The following IL17C variants were observed in gnomAD, a reference collection of about 807,000 sequenced individuals.
The protein encoded by IL17C is interleukin-17C.
IL17C carries 13 observed loss-of-function variants against 11.0 expected under a neutral mutation model. The observed-to-expected ratio is 1.18, with a 90% CI of 0.77 to 1.88. IL17C has a LOEUF of 1.88. Among genes scored for constraint, IL17C ranks in the 40% most tolerant of loss-of-function variants. IL17C has a pLI of 0.00. For missense variants in IL17C, 357 were observed against 278.2 expected (o/e 1.28, Z -2.01); for synonymous variants, 150 against 125.8 (o/e 1.19, Z -1.29).
rs1203370623 is a variant in IL17C, at chr16:88,639,687, G to C, written c.336-127G>C. 8.5e-7 allele frequency: 1 copy of C among 1,178,074 alleles called. No individual in the cohort carries two copies. The highest frequency in any genetic ancestry group is 1.5e-5 in the African/African-American group (1 of 64,618). The allele number at this position is 1,178,074 out of a possible 1,614,324, so 73.0% of individuals were successfully genotyped here. On this transcript the variant is annotated intron_variant, in intron 2 of 2. Coordinates refer to ENST00000244241, the MANE Select transcript of IL17C (RefSeq NM_013278.4). This position sits in a 1 kb window ranked among gnomAD's most constrained non-coding sequence, Gnocchi z 5.1. ...ACATGTGAGCCCGACTGCACCCCAAGCCCGTGTGGCTCAGCCCTCGCTGCC... is the reference window on the plus strand; with the variant it reads ...ACATGTGAGCCCGACTGCACCCCAACCCCGTGTGGCTCAGCCCTCGCTGCC...
At chr16:88,638,716 G>T in intron 1 of IL17C, 69 bp downstream of exon 1, 1 of 1,609,700 alleles carries the variant, frequency 6.2e-7, no homozygotes, top group Non-Finnish European at 8.5e-7. Context: ...AAGGGCTGGG[G>T]TTCTCTGAGC....
In IL17C at chr16:88,639,018, C is replaced by T; in HGVS notation, c.44C>T (p.Thr15Ile). The T allele has an allele frequency of 6.3e-7, 1 of 1,598,952 alleles. No individual in the cohort carries two copies. The highest frequency in any genetic ancestry group is 8.5e-7 in the Non-Finnish European group (1 of 1,171,274). ...PGLLFLTWLH[T>I]CLAHHDPSLR... The stretch of plus-strand genomic sequence containing the variant: ...CTCCTGTTTCTGACCTGGCTGCACA[C>T]ATGCCTGGCCCACCATGACCCCTCC... Residue 15 changes from threonine to isoleucine, a missense_variant, in exon 2 of 3, where the codon ACA (threonine) becomes ATA (isoleucine). Thr to Ile is a moderately conservative substitution (Grantham distance 89). Coordinates refer to ENST00000244241, the MANE Select transcript of IL17C (RefSeq NM_013278.4). The surrounding 1 kb of genome is among the most constrained non-coding windows in gnomAD (Gnocchi z 5.1).
chr16:88,639,912 C>T lies in IL17C; in HGVS notation c.434C>T (p.Ala145Val), dbSNP rs377230543. 3 of 1,610,152 alleles carry T rather than the reference C, an allele frequency of 1.9e-6. No homozygotes were observed. The highest frequency in any genetic ancestry group is 1.1e-5 in the South Asian group (1 of 91,004). Reference protein sequence around the residue: ...IDARTGRETAALNSVRLLQSL... With the variant: ...IDARTGRETAVLNSVRLLQSL... ...GCACGGACGGGCCGCGAGACAGCTGCGCTCAACTCCGTGCGGCTGCTCCAG... is the reference window on the plus strand; with the variant it reads ...GCACGGACGGGCCGCGAGACAGCTGTGCTCAACTCCGTGCGGCTGCTCCAG... The change falls in exon 3 of 3, where the codon GCG becomes GTG. Residue 145 changes from alanine (A) to valine (V), a missense_variant. Ala to Val is a moderately conservative substitution (Grantham distance 64). Transcript: ENST00000244241. This position sits in a 1 kb window ranked among gnomAD's most constrained non-coding sequence, Gnocchi z 5.1.
At chr16:88,638,815 C>G in intron 1 of IL17C, 166 bp from the exon 2 acceptor site, 3 of 1,227,288 alleles carry the variant, frequency 2.4e-6, no homozygotes, top group Non-Finnish European at 3.6e-6. Flanking sequence ...CGCTGGCATG[C>G]TGGGTGTCTT....
rs758011169 is a variant in IL17C at position 88,638,597 on chromosome 16, G to T, written c.-45G>T. On this transcript the variant is annotated 5_prime_UTR_variant, in exon 1 of 3. It adds an upstream start codon to the 5' untranslated region. Transcript: ENST00000244241. ...AGGTGCACCTGTGGGATTGCCGCCAGGTGTGCAGGCCGCTCCAAGCCCAGC... is the reference window on the plus strand; with the variant it reads ...AGGTGCACCTGTGGGATTGCCGCCATGTGTGCAGGCCGCTCCAAGCCCAGC... The T allele has an allele frequency of 1.7e-5, 27 of 1,611,674 alleles. No individual in the cohort carries two copies. The highest frequency in any genetic ancestry group is 2.1e-5 in the Non-Finnish European group (25 of 1,179,908).
rs753952254 is a variant in IL17C, at chr16:88,639,152, C to G, written c.178C>G (p.Gln60Glu). The change falls in exon 2 of 3, where the codon CAG becomes GAG. Residue 60 changes from glutamine (Q) to glutamate (E), a missense_variant. Transcript: ENST00000244241. This position sits in a 1 kb window ranked among gnomAD's most constrained non-coding sequence, Gnocchi z 5.1. ...HLLARGAKWGQALPVALVSSL... is the reference protein window; with the variant it reads ...HLLARGAKWGEALPVALVSSL... ...GCTGGCTCGAGGTGCCAAGTGGGGG[C>G]AGGCTTTGCCTGTAGCCCTGGTGTC... 8 of 1,612,834 alleles carry G rather than the reference C, an allele frequency of 5.0e-6. No individual in the cohort carries two copies. The highest frequency in any genetic ancestry group is 6.8e-6 in the Non-Finnish European group (8 of 1,179,956).
rs1438156251 is a variant in IL17C at position 88,640,212 on chromosome 16, G to GC, written c.*146dup. The GC allele has an allele frequency of 1.1e-6, 1 of 931,778 alleles. No homozygotes were observed. The highest frequency in any genetic ancestry group is 1.6e-6 in the Non-Finnish European group (1 of 643,816). The allele number at this position is 931,778 out of a possible 1,614,324, so 57.7% of individuals were successfully genotyped here. ...GGGCATTCCCCGTGTCTGGAGGACA[G>GC]CCCCCCACTGTTCTCCTCATCTCCA... is the stretch of plus-strand genomic sequence containing the variant. On this transcript the variant is annotated 3_prime_UTR_variant, in exon 3 of 3. Transcript: ENST00000244241.
At position 88,639,969 on chromosome 16, in the gene IL17C, C is replaced by T; in HGVS notation, c.491C>T (p.Ser164Phe). Reference protein sequence around the residue: ...SLLVLRRRPCSRDGSGLPTPG... With the variant: ...SLLVLRRRPCFRDGSGLPTPG... ...CTGGTGCTGCGCCGCCGGCCCTGCT[C>T]CCGCGACGGCTCGGGGCTCCCCACA... The change falls in exon 3 of 3, where the codon TCC becomes TTC. Residue 164 changes from serine to phenylalanine, a missense_variant. Physicochemically the swap from Ser to Phe is radical, Grantham distance 155. Coordinates refer to ENST00000244241, the MANE Select transcript of IL17C (RefSeq NM_013278.4). This position sits in a 1 kb window ranked among gnomAD's most constrained non-coding sequence, Gnocchi z 5.1. 3 of 1,609,990 alleles carry T rather than the reference C, an allele frequency of 1.9e-6. No individual in the cohort carries two copies. The South Asian group carries it at 3.3e-5, about 18-fold the overall frequency.
Position 88,640,386 on chromosome 16 carries a change from G to A in IL17C, c.*314G>A. On this transcript the variant is annotated 3_prime_UTR_variant, in exon 3 of 3. Transcript: ENST00000244241. ...CACTGGCCTCAGGCCCCCGCAGGCT[G>A]CCTCTTCCCAACCTCCTTGGAAGTA... 1 of 362,882 alleles carries A rather than the reference G, an allele frequency of 2.8e-6. No individual in the cohort carries two copies. Among genetic ancestry groups the A allele is most frequent in the Non-Finnish European group, 5.0e-6 (1 of 199,984 alleles). 22.5% of individuals were successfully genotyped at this position (362,882 alleles called of 1,614,324 possible). A position where few individuals can be genotyped will look rare whatever the true frequency, so the allele number is the denominator to read the frequency against.
Position 88,638,608 on chromosome 16 carries a change from C to G in IL17C, c.-34C>G, listed in dbSNP as rs375485105. The G allele has an allele frequency of 6.2e-7, 1 of 1,611,888 alleles. No individual in the cohort carries two copies. Among genetic ancestry groups the G allele is most frequent in the East Asian group, 2.2e-5 (1 of 44,870 alleles). On this transcript the variant is annotated 5_prime_UTR_variant, in exon 1 of 3. Coordinates refer to ENST00000244241, the MANE Select transcript of IL17C (RefSeq NM_013278.4). ...TGGGATTGCCGCCAGGTGTGCAGGC[C>G]GCTCCAAGCCCAGCCTGCCCCGCTG...
At chr16:88,638,866 C>A in intron 1 of IL17C, 115 bp from the exon 2 acceptor site, 4 of 1,190,628 alleles carry the variant, frequency 3.4e-6, no homozygotes, top group East Asian at 4.7e-5. Context: ...GTTTCCCCAT[C>A]TATAGAGGGA....
chr16:88,639,872 A>G lies in IL17C; in HGVS notation c.394A>G (p.Arg132Gly), dbSNP rs1907007452. 5.0e-6 allele frequency: 8 copies of G among 1,604,508 alleles called. No individual in the cohort carries two copies. The highest frequency in any genetic ancestry group is 6.8e-6 in the Non-Finnish European group (8 of 1,176,706). ...QKLAFAECLC[R>G]GCIDARTGRE... ...GCTGGCCTTCGCCGAGTGCCTGTGC[A>G]GAGGCTGTATCGATGCACGGACGGG... The change falls in exon 3 of 3, where the codon AGA (arginine) becomes GGA (glycine). Residue 132 changes from arginine (R) to glycine (G), a missense_variant. Physicochemically the swap from Arg to Gly is moderately radical, Grantham distance 125 (BLOSUM62 -2). Coordinates refer to ENST00000244241, the MANE Select transcript of IL17C (RefSeq NM_013278.4). The surrounding 1 kb of genome is among the most constrained non-coding windows in gnomAD (Gnocchi z 5.1).
Position 88,639,701 on chromosome 16 carries a change from G to T in IL17C, c.336-113G>T. The T allele has an allele frequency of 7.7e-7, 1 of 1,306,040 alleles. No homozygotes were observed. The highest frequency in any genetic ancestry group is 1.0e-6 in the Non-Finnish European group (1 of 983,538). 80.9% of individuals were successfully genotyped at this position (1,306,040 alleles called of 1,614,324 possible). Reference sequence around the variant, plus strand: ...CTGCACCCCAAGCCCGTGTGGCTCAGCCCTCGCTGCCTCAGGTCCTATCCT... The same window carrying T: ...CTGCACCCCAAGCCCGTGTGGCTCATCCCTCGCTGCCTCAGGTCCTATCCT... On this transcript the variant is annotated intron_variant, in intron 2 of 2. Transcript: ENST00000244241. The surrounding 1 kb of genome is among the most constrained non-coding windows in gnomAD (Gnocchi z 5.1).
At position 88,639,447 on chromosome 16, in the gene IL17C, C is replaced by A; in HGVS notation, c.335+138C>A. The A allele has an allele frequency of 1.2e-6, 1 of 865,312 alleles. No homozygotes were observed. The highest frequency in any genetic ancestry group is 1.7e-6 in the Non-Finnish European group (1 of 582,250). The allele number at this position is 865,312 out of a possible 1,614,324, so 53.6% of individuals were successfully genotyped here. ...GCCACCTGAGCTCCCTCCCTCCGGC[C>A]CTCCTGACCTGGACGGCTGAGCTGC... On this transcript the variant is annotated intron_variant, in intron 2 of 2. Transcript: ENST00000244241. This position sits in a 1 kb window ranked among gnomAD's most constrained non-coding sequence, Gnocchi z 5.1.
rs1906996949 is a variant in IL17C at position 88,639,551 on chromosome 16, T to A, written c.335+242T>A. Among the ~76,000 whole-genome samples, 1 of 152,108 alleles carries A rather than the reference T, an allele frequency of 6.6e-6. No homozygotes were observed. Among genetic ancestry groups the A allele is most frequent in the African/African-American group, 2.4e-5 (1 of 41,424 alleles). On this transcript the variant is annotated intron_variant, in intron 2 of 2. Transcript: ENST00000244241. This position sits in a 1 kb window ranked among gnomAD's most constrained non-coding sequence, Gnocchi z 5.1. The stretch of plus-strand genomic sequence containing the variant: ...CTGGGGAAATTCTGGGCCCGTCACC[T>A]GAGCTCCTGCAGAAGTGGGGCTGGG...
rs1192373086 is a variant in IL17C, at chr16:88,639,314, G to C, written c.335+5G>C. ...CATCTCACCCTGGAGATACCGGTGA[G>C]GACCTGGGGATTCCGCTGTGGCGTG... is the stretch of plus-strand genomic sequence containing the variant. On this transcript the variant is annotated splice_donor_5th_base_variant and intron_variant, in intron 2 of 2. Coordinates refer to ENST00000244241, the MANE Select transcript of IL17C (RefSeq NM_013278.4). This position sits in a 1 kb window ranked among gnomAD's most constrained non-coding sequence, Gnocchi z 5.1. 2 of 1,577,858 alleles carry C rather than the reference G, an allele frequency of 1.3e-6. No homozygotes were observed. The highest frequency in any genetic ancestry group is 3.5e-5 in the Admixed American group (2 of 57,940).
chr16:88,639,649 G>A lies in IL17C; in HGVS notation c.336-165G>A, dbSNP rs532383500. On this transcript the variant is annotated intron_variant, in intron 2 of 2. Transcript: ENST00000244241. This position sits in a 1 kb window ranked among gnomAD's most constrained non-coding sequence, Gnocchi z 5.1. ...TGCTCTTGGAGGGCCCTGGGGAGACGTGGATTACCACCACATGTGAGCCCG... is the reference window on the plus strand; with the variant it reads ...TGCTCTTGGAGGGCCCTGGGGAGACATGGATTACCACCACATGTGAGCCCG... 1.3e-4 allele frequency among the ~76,000 whole-genome samples: 20 copies of A among 152,274 alleles called. No individual in the cohort carries two copies. Among genetic ancestry groups the A allele is most frequent in the African/African-American group, 3.8e-4 (16 of 41,562 alleles).
chr16:88,638,702 A>G (rs1906964755), intron 1 of IL17C, 55 bp downstream of exon 1: 1 of 1,612,414 alleles, frequency 6.2e-7, no homozygotes, highest in Non-Finnish European at 8.5e-7. Context: ...GCAGCCTGGC[A>G]TGGAAGGGCT....
At chr16:88,638,868 A>T in intron 1 of IL17C, 113 bp from the exon 2 acceptor site, 1 of 1,200,506 alleles carries the variant, frequency 8.3e-7, no homozygotes, top group Non-Finnish European at 1.2e-6. Flanking sequence ...TTCCCCATCT[A>T]TAGAGGGAGG....
Sources: allele counts gnomAD v4.1 joint callset (sites outside exome capture counted in the v4.1 genomes callset), GRCh38; gene constraint gnomAD v4.1.1; non-coding constraint Gnocchi (gnomAD v3.1); transcripts MANE v1.5; gene names NCBI Gene and HGNC (gene_info 2026-07-23, HGNC 2026-07-21).